Variants in EML6 observed in about 807,000 individuals in gnomAD.
The protein encoded by EML6 is EMAP like 6.
A neutral mutation model predicts 240.1 loss-of-function variants in EML6; 154 were observed. The ratio of observed to expected loss-of-function variants is 0.64; its 90% CI spans 0.56 to 0.73. The LOEUF (loss-of-function observed/expected upper bound fraction) is 0.73, where lower values mean the gene tolerates loss of function less well. Ranked by LOEUF, EML6 falls within the 30% of genes least tolerant of loss-of-function variation. The probability of loss-of-function intolerance (pLI) is 0.00; values close to 1 mark genes in which losing one functional copy is unlikely to be tolerated. For synonymous variants in EML6, 1,148 were observed against 899.0 expected (o/e 1.28, Z -4.95); for missense variants, 2,964 against 2,474.6 (o/e 1.20, Z -4.20).
At chr2:54,824,111 G>T (rs1014278419) in intron 5 of EML6, among the ~76,000 whole-genome samples, 12 of 151,880 alleles carry the variant, frequency 7.9e-5, no homozygotes, top group African/African-American at 2.7e-4. Context: ...CTTTTTATTG[G>T]GTTCTAACTA....
chr2:54,801,123 A>G (rs966254110), intron 2 of EML6, among the ~76,000 whole-genome samples: 2 of 152,084 alleles, frequency 1.3e-5, no homozygotes, highest in African/African-American at 4.8e-5. Context: ...GATTGAGACC[A>G]TCCTGGCTAA....
chr2:54,808,909 C>A (rs1670642738), intron 2 of EML6, among the ~76,000 whole-genome samples: 1 of 152,180 alleles, frequency 6.6e-6, no homozygotes. Context: ...TCCTTCTCTG[C>A]AGTGCTTTCT....
At chr2:54,914,390 C>G (rs527357949) in intron 25 of EML6, among the ~76,000 whole-genome samples, 1 of 152,132 alleles carries the variant, frequency 6.6e-6, no homozygotes, top group Non-Finnish European at 1.5e-5. Flanking sequence ...CTTTCCCTTC[C>G]GGTTTTAGTG....
intron 6 of EML6, among the ~76,000 whole-genome samples, chr2:54,828,620 A>G (rs1235342046): frequency 6.6e-6 from 1 of 152,222 alleles, no homozygotes; most frequent in African/African-American, 2.4e-5. Context: ...TGGCTTCACT[A>G]ATTATGAAAC....
chr2:54,913,440 C>G (rs568734644), intron 25 of EML6, among the ~76,000 whole-genome samples: 9 of 151,948 alleles, frequency 5.9e-5, no homozygotes, highest in African/African-American at 2.2e-4. Flanking sequence ...TTTAGTAGAG[C>G]CAGGGTTTTG....
chr2:54,818,253 G>A (rs935451526), intron 4 of EML6, among the ~76,000 whole-genome samples: 1 of 149,024 alleles, frequency 6.7e-6, no homozygotes, highest in Non-Finnish European at 1.5e-5. Context: ...TATAGAAAGA[G>A]CTTTTATTGT....
At chr2:54,834,851 G>C (rs1187417240) in intron 7 of EML6, among the ~76,000 whole-genome samples, 1 of 152,198 alleles carries the variant, frequency 6.6e-6, no homozygotes, top group Non-Finnish European at 1.5e-5. Flanking sequence ...CAGTTGCTTT[G>C]TAAGTTGCAT....
chr2:54,732,686 A>G (rs565899376), intron 2 of EML6, among the ~76,000 whole-genome samples: 1 of 152,384 alleles, frequency 6.6e-6, no homozygotes, highest in South Asian at 2.1e-4. Flanking sequence ...AGGTTAACCT[A>G]GAAGAAATAG....
chr2:54,754,108 C>A (rs1684297030), intron 2 of EML6, among the ~76,000 whole-genome samples: 2 of 151,014 alleles, frequency 1.3e-5, no homozygotes, highest in African/African-American at 4.9e-5. Context: ...GCATTCCAGT[C>A]TGGGAGACAG....
intron 24 of EML6, among the ~76,000 whole-genome samples, chr2:54,908,064 A>G (rs1197018693): frequency 1.3e-5 from 2 of 152,170 alleles, no homozygotes; most frequent in Non-Finnish European, 2.9e-5. Flanking sequence ...CTTAAGAAAC[A>G]TGTATTAGCA....
chr2:54,931,953 A>C (rs866766882), intron 28 of EML6, among the ~76,000 whole-genome samples: 2 of 152,170 alleles, frequency 1.3e-5, no homozygotes, highest in Admixed American at 6.5e-5. Context: ...CTGAATTCCT[A>C]ATTCCTAAAT....
chr2:54,784,966 C>T (rs1380554689), intron 2 of EML6, among the ~76,000 whole-genome samples: 1 of 152,146 alleles, frequency 6.6e-6, no homozygotes, highest in Non-Finnish European at 1.5e-5. Context: ...CTGCAGACCT[C>T]AGTCTATGGC....
At chr2:54,885,737 G>T (rs1016170499) in intron 17 of EML6, among the ~76,000 whole-genome samples, 3 of 151,894 alleles carry the variant, frequency 2.0e-5, no homozygotes, top group African/African-American at 7.3e-5. Flanking sequence ...TCAGCCTCCT[G>T]AGTAGCTGGG....
intron 28 of EML6, among the ~76,000 whole-genome samples, chr2:54,941,712 G>A (rs1178680167): frequency 6.6e-6 from 1 of 152,236 alleles, no homozygotes; most frequent in African/African-American, 2.4e-5. Flanking sequence ...AGTTGCATGT[G>A]TGTTGTTTAA....
At chr2:54,949,946 C>T (rs1317549888) in intron 29 of EML6, among the ~76,000 whole-genome samples, 1 of 152,204 alleles carries the variant, frequency 6.6e-6, no homozygotes, top group African/African-American at 2.4e-5. Flanking sequence ...TAGAGTCTTT[C>T]CTGATGCTTC....
At chr2:54,787,104 A>C (rs544878837) in intron 2 of EML6, among the ~76,000 whole-genome samples, 1 of 152,188 alleles carries the variant, frequency 6.6e-6, no homozygotes, top group Non-Finnish European at 1.5e-5. Context: ...GCACTGCCTA[A>C]GTAGGTTCAG....
chr2:54,846,390 T>C, intron 8 of EML6, among the ~76,000 whole-genome samples: 1 of 151,792 alleles, frequency 6.6e-6, no homozygotes, highest in South Asian at 2.1e-4. Context: ...GATATGTAGA[T>C]ATATAGATAT....
intron 40 of EML6, among the ~76,000 whole-genome samples, 188 bp downstream of exon 40, chr2:54,968,469 G>A (rs758531857): frequency 1.3e-5 from 2 of 152,144 alleles, no homozygotes; most frequent in African/African-American, 4.8e-5. Context: ...GATGGAGGGT[G>A]GATAAAATGA....
intron 11 of EML6, among the ~76,000 whole-genome samples, chr2:54,857,574 G>T (rs1670452557): frequency 6.6e-6 from 1 of 152,202 alleles, no homozygotes; most frequent in African/African-American, 2.4e-5. Flanking sequence ...ACATCTGATT[G>T]TGAGAAGTGC....
Sources: gnomAD v4.1 joint callset for allele counts (sites outside exome capture counted in the v4.1 genomes callset) on GRCh38, gnomAD v4.1.1 for gene constraint, MANE v1.5 for transcripts, NCBI Gene and HGNC (gene_info 2026-07-23, HGNC 2026-07-21) for gene names.